Variants in DOCK3 observed in about 807,000 individuals in gnomAD.
DOCK3 encodes dedicator of cytokinesis protein 3.
DOCK3 carries 60 observed loss-of-function variants against 265.6 expected under a neutral mutation model. The observed-to-expected ratio is 0.23, with a 90% CI of 0.18 to 0.28. DOCK3 has a LOEUF of 0.28. DOCK3 is among the 10% of genes least tolerant of loss of function. The pLI, the probability that DOCK3 is intolerant of heterozygous loss-of-function variation, is 1.00. For synonymous variants in DOCK3, 881 were observed against 938.0 expected, an observed-to-expected ratio of 0.94 and a Z score of 1.11; for missense variants, 1,981 against 2,594.3, an observed-to-expected ratio of 0.76 and a Z score of 5.14.
At chr3:50,857,062 C>T (rs1455551902) in intron 3 of DOCK3, among the ~76,000 whole-genome samples, 1 of 152,052 alleles carries the variant, frequency 6.6e-6, no homozygotes, top group Non-Finnish European at 1.5e-5. Flanking sequence ...ATGCGCTGCT[C>T]GATTCAGTTT....
At chr3:51,170,719 C>T (rs956518957) in intron 12 of DOCK3, among the ~76,000 whole-genome samples, 4 of 151,986 alleles carry the variant, frequency 2.6e-5, no homozygotes, top group African/African-American at 4.8e-5. Flanking sequence ...CGAAGGCGGG[C>T]GGATCATGAG....
At chr3:50,890,180 A>G in intron 4 of DOCK3, 99 bp downstream of exon 4, 1 of 962,224 alleles carries the variant, frequency 1.0e-6, no homozygotes, top group South Asian at 2.3e-5. Flanking sequence ...TACAATTGAT[A>G]TGTTTTCCTG....
intron 5 of DOCK3, among the ~76,000 whole-genome samples, chr3:50,996,273 A>C (rs1206615937): frequency 1.3e-5 from 2 of 150,250 alleles, no homozygotes; most frequent in African/African-American, 2.5e-5. Flanking sequence ...GCTGGAGTGC[A>C]GTGGCGCTAT....
intron 4 of DOCK3, among the ~76,000 whole-genome samples, chr3:50,905,168 T>C (rs908328189): frequency 1.3e-5 from 2 of 152,146 alleles, no homozygotes; most frequent in Non-Finnish European, 2.9e-5. Flanking sequence ...ACTGCAGCCT[T>C]GTAGTATAGT....
At chr3:50,864,561 A>G (rs1221150258) in intron 3 of DOCK3, among the ~76,000 whole-genome samples, 1 of 151,976 alleles carries the variant, frequency 6.6e-6, no homozygotes, top group Non-Finnish European at 1.5e-5. Flanking sequence ...TTGTTTTAGT[A>G]GTTTAATAGT....
chr3:50,817,014 A>C (rs1472847262), intron 2 of DOCK3, among the ~76,000 whole-genome samples: 1 of 152,204 alleles, frequency 6.6e-6, no homozygotes. Context: ...TAAAGGAATA[A>C]AAGAATGGCT....
At chr3:51,320,787 C>G (rs923214348) in intron 32 of DOCK3, among the ~76,000 whole-genome samples, 1 of 152,210 alleles carries the variant, frequency 6.6e-6, no homozygotes, top group Non-Finnish European at 1.5e-5. Flanking sequence ...TTCCTCCTCT[C>G]TGGGCAGGGC....
At chr3:51,001,459 C>T (rs1406102560) in intron 5 of DOCK3, among the ~76,000 whole-genome samples, 1 of 152,160 alleles carries the variant, frequency 6.6e-6, no homozygotes, top group Non-Finnish European at 1.5e-5. Context: ...ACTGGAACTA[C>T]ATCATTGGCT....
intron 5 of DOCK3, among the ~76,000 whole-genome samples, chr3:50,938,429 T>C (rs1361530025): frequency 5.3e-5 from 8 of 152,150 alleles, no homozygotes; most frequent in Non-Finnish European, 1.2e-4. Context: ...TAGGCTCTAA[T>C]TGAAATTTAT....
intron 23 of DOCK3, among the ~76,000 whole-genome samples, chr3:51,263,748 C>T (rs902629120): frequency 6.6e-6 from 1 of 151,668 alleles, no homozygotes; most frequent in Non-Finnish European, 1.5e-5. Context: ...AATGGAAAAC[C>T]AAAAAAAGCA....
intron 9 of DOCK3, among the ~76,000 whole-genome samples, chr3:51,125,314 T>C (rs2084219212): frequency 2.0e-5 from 3 of 152,222 alleles, no homozygotes; most frequent in Admixed American, 2.0e-4. Flanking sequence ...ACTTCCCAGT[T>C]GTGTACTTTA....
chr3:51,002,728 T>A (rs1695753947), intron 5 of DOCK3, among the ~76,000 whole-genome samples: 1 of 152,252 alleles, frequency 6.6e-6, no homozygotes, highest in African/African-American at 2.4e-5. Context: ...GCACTCAGAC[T>A]TATCACCCCT....
chr3:51,237,549 C>T lies in DOCK3; in HGVS notation c.2061C>T (p.Asp687=). ...IKYFHFRPVM[D]TYIQKHFAGA... is the part of the protein sequence containing the mutation. The stretch of plus-strand genomic sequence containing the variant: ...ATTTTCACTTTCGACCTGTGATGGA[C>T]ACGTATATCCAGAAGCACTTTGCTG... Residue 687 remains aspartate (D), a synonymous_variant, in exon 21 of 53, where the codon GAC becomes GAT. Coordinates refer to ENST00000266037, the MANE Select transcript of DOCK3 (RefSeq NM_004947.5). The T allele has an allele frequency of 6.2e-7, 1 of 1,613,508 alleles. No individual in the cohort carries two copies. Among genetic ancestry groups the T allele is most frequent in the Non-Finnish European group, 8.5e-7 (1 of 1,179,778 alleles).
intron 5 of DOCK3, among the ~76,000 whole-genome samples, chr3:50,939,441 T>C (rs753868029): frequency 1.1e-4 from 17 of 152,070 alleles, no homozygotes; most frequent in Non-Finnish European, 2.2e-4. Context: ...GAAAAAAATC[T>C]GGAGTATCTC....
intron 12 of DOCK3, among the ~76,000 whole-genome samples, chr3:51,202,655 C>T (rs2088874216): frequency 2.6e-5 from 4 of 152,122 alleles, no homozygotes; most frequent in Admixed American, 2.6e-4. Context: ...GGAATCCTCC[C>T]TAACTCATTT....
chr3:51,341,323 A>G lies in DOCK3; in HGVS notation c.3853A>G (p.Thr1285Ala). Reference protein sequence around the residue: ...LREFLHYPSQTEWQRKEGLCR... With the variant: ...LREFLHYPSQAEWQRKEGLCR... The stretch of plus-strand genomic sequence containing the variant: ...GGAATTCCTCCACTACCCATCGCAG[A>G]CAGAGTGGCAGCGGAAGGAGGGACT... The change falls in exon 38 of 53, where the codon ACA becomes GCA. Residue 1285 changes from threonine (T) to alanine (A), a missense_variant. Coordinates refer to ENST00000266037, the MANE Select transcript of DOCK3 (RefSeq NM_004947.5). 3 of 1,613,798 alleles carry G rather than the reference A, an allele frequency of 1.9e-6. No homozygotes were observed. Among genetic ancestry groups the G allele is most frequent in the Non-Finnish European group, 2.5e-6 (3 of 1,179,772 alleles).
intron 10 of DOCK3, among the ~76,000 whole-genome samples, chr3:51,155,436 C>T (rs1184645863): frequency 1.3e-5 from 2 of 152,180 alleles, no homozygotes; most frequent in Non-Finnish European, 2.9e-5. Flanking sequence ...TTATCTGAGA[C>T]TTGAGTTCTT....
intron 9 of DOCK3, among the ~76,000 whole-genome samples, chr3:51,120,920 G>A (rs1379770886): frequency 3.3e-5 from 5 of 152,156 alleles, no homozygotes; most frequent in Non-Finnish European, 7.3e-5. Context: ...GGTGGGATCC[G>A]CTGAGCAAGA....
intron 1 of DOCK3, among the ~76,000 whole-genome samples, chr3:50,762,911 A>C (rs28433146): frequency 6.6e-6 from 1 of 151,710 alleles, no homozygotes; most frequent in Admixed American, 6.6e-5. Flanking sequence ...TTATTTTTTT[A>C]AAAGTTTTTT....
Sources: allele counts gnomAD v4.1 joint callset (sites outside exome capture counted in the v4.1 genomes callset), GRCh38; gene constraint gnomAD v4.1.1; transcripts MANE v1.5; gene names NCBI Gene and HGNC (gene_info 2026-07-23, HGNC 2026-07-21).